Variants in PEF1 observed in about 807,000 individuals in gnomAD.
The protein encoded by PEF1 is peflin.
Under a neutral mutation model 32.0 loss-of-function variants are expected in PEF1, and 17 were observed. That is an observed-to-expected ratio of 0.53 (90% CI 0.36 to 0.80). The LOEUF is 0.80. PEF1 is among the 30% of genes least tolerant of loss of function. The pLI is 0.00. For missense variants in PEF1, 362 were observed against 369.1 expected, an observed-to-expected ratio of 0.98 and a Z score of 0.16; for synonymous variants, 130 against 139.8, an observed-to-expected ratio of 0.93 and a Z score of 0.50.
intron 1 of PEF1, among the ~76,000 whole-genome samples, chr1:31,637,411 G>A (rs985397896): frequency 2.0e-5 from 3 of 152,078 alleles, no homozygotes; most frequent in Non-Finnish European, 4.4e-5. Flanking sequence ...GCAAAATTCT[G>A]TCAGTTTAAT....
At chr1:31,644,699 C>A in intron 1 of PEF1, 142 bp downstream of exon 1, 2 of 1,517,168 alleles carry the variant, frequency 1.3e-6, no homozygotes, top group East Asian at 4.8e-5. Flanking sequence ...GGTCCCTTTT[C>A]GGTTCTCTAC....
intron 1 of PEF1, among the ~76,000 whole-genome samples, chr1:31,640,566 C>T (rs1000683782): frequency 6.6e-6 from 1 of 152,158 alleles, no homozygotes; most frequent in Non-Finnish European, 1.5e-5. Flanking sequence ...TTAGAAAAAT[C>T]TCATTCTTTT....
chr1:31,641,036 C>T (rs1337579212), intron 1 of PEF1, among the ~76,000 whole-genome samples: 1 of 152,128 alleles, frequency 6.6e-6, no homozygotes, highest in Non-Finnish European at 1.5e-5. Context: ...AAGCACGCAA[C>T]CAATAAACAA....
chr1:31,643,120 ATGT>A (rs770259076), intron 1 of PEF1, among the ~76,000 whole-genome samples: 21 of 152,248 alleles, frequency 1.4e-4, no homozygotes, highest in Non-Finnish European at 2.8e-4. Context: ...GGCGCTATGA[ATGT>A]TTTTTCAGCC....
chr1:31,643,541 CACTT>C (rs957275583), intron 1 of PEF1, among the ~76,000 whole-genome samples: 9 of 152,338 alleles, frequency 5.9e-5, no homozygotes, highest in African/African-American at 2.2e-4. Flanking sequence ...GCCTCACCCT[CACTT>C]ACTACGTGTG....
intron 2 of PEF1, 63 bp from the exon 3 acceptor site, chr1:31,633,377 C>A: frequency 6.6e-7 from 1 of 1,508,594 alleles, no homozygotes; most frequent in Non-Finnish European, 8.9e-7. Flanking sequence ...TCAGTAACTT[C>A]CTGGCTACAG....
intron 3 of PEF1, among the ~76,000 whole-genome samples, chr1:31,632,898 T>C (rs1640152051): frequency 1.3e-5 from 2 of 152,190 alleles, no homozygotes; most frequent in Non-Finnish European, 2.9e-5. Context: ...TCCCTGCTGT[T>C]TCCTACAGGG....
At chr1:31,632,711 T>C in intron 3 of PEF1, 73 bp from the exon 4 acceptor site, 1 of 1,525,642 alleles carries the variant, frequency 6.6e-7, no homozygotes, top group Non-Finnish European at 8.9e-7. Context: ...CAGGACCCAT[T>C]GAGGCAGCCC....
chr1:31,633,096 C>T, intron 3 of PEF1, 63 bp downstream of exon 3: 5 of 1,544,140 alleles, frequency 3.2e-6, no homozygotes, highest in Non-Finnish European at 4.4e-6. Flanking sequence ...CACCTACCCA[C>T]CTACTGTCCA....
At chr1:31,635,606 C>T (rs892687677) in intron 1 of PEF1, 84 bp from the exon 2 acceptor site, 1 of 1,288,366 alleles carries the variant, frequency 7.8e-7, no homozygotes, top group African/African-American at 1.5e-5. Context: ...AAAGCACTTC[C>T]ACCACCATCC....
Position 31,630,667 on chromosome 1 carries a change from G to A in PEF1, c.801C>T (p.Asn267=). The stretch of plus-strand genomic sequence containing the variant: ...CGAAGTCCTCGAAGCTGAGCCGAAT[G>A]TTGCCTTGTACAGCTGTGTCCTTCT... The part of the protein sequence containing the change: ...FREKDTAVQG[N]IRLSFEDFVT... The change falls in exon 5 of 5, where the codon AAC becomes AAT. Residue 267 remains asparagine (N), a synonymous_variant. Transcript: ENST00000373703. 2 of 1,613,580 alleles carry A rather than the reference G, an allele frequency of 1.2e-6. No homozygotes were observed. Among genetic ancestry groups the A allele is most frequent in the South Asian group, 2.2e-5 (2 of 91,066 alleles).
At chr1:31,632,420 C>A (rs1319047519) in intron 4 of PEF1, 75 bp downstream of exon 4, 20 of 1,606,778 alleles carry the variant, frequency 1.2e-5, no homozygotes, top group African/African-American at 2.7e-5. Context: ...GAGGAAACCC[C>A]TTTGTTGTAT....
chr1:31,632,790 C>T, intron 3 of PEF1, 152 bp from the exon 4 acceptor site: 1 of 912,272 alleles, frequency 1.1e-6, no homozygotes, highest in Non-Finnish European at 1.6e-6. Context: ...GCACCTGAGA[C>T]ACCCACATCA....
In PEF1 at chr1:31,630,705, C is replaced by T; in HGVS notation, c.763G>A (p.Glu255Lys). The T allele has an allele frequency of 6.2e-7, 1 of 1,614,172 alleles. No individual in the cohort carries two copies. The highest frequency in any genetic ancestry group is 8.5e-7 in the Non-Finnish European group (1 of 1,180,044). Residue 255 changes from glutamate (E) to lysine (K), a missense_variant, in exon 5 of 5, where the codon GAG becomes AAG. Transcript: ENST00000373703. The stretch of plus-strand genomic sequence containing the variant: ...GCTGTGTCCTTCTCCCGGAAGGCCT[C>T]TGTCAGCACCTGCAGCTGGGTGCAC... ...QVCTQLQVLT[E>K]AFREKDTAVQ... is the part of the protein sequence containing the mutation.
At chr1:31,632,351 G>C (rs758303792) in intron 4 of PEF1, 144 bp downstream of exon 4, 1 of 1,390,468 alleles carries the variant, frequency 7.2e-7, no homozygotes. Flanking sequence ...GAAGGGGTGA[G>C]GGATGCAGGC....
chr1:31,635,198 C>T (rs1454914865), intron 2 of PEF1, 24 bp downstream of exon 2: 2 of 1,610,764 alleles, frequency 1.2e-6, no homozygotes, highest in Non-Finnish European at 1.7e-6. Context: ...TCAGAGGTAC[C>T]CGGAGTCCAA....
chr1:31,641,193 C>G, intron 1 of PEF1, among the ~76,000 whole-genome samples: 1 of 152,216 alleles, frequency 6.6e-6, no homozygotes, highest in Non-Finnish European at 1.5e-5. Context: ...GTGTTCTCAT[C>G]TCAGTGAATG....
At chr1:31,633,089 C>G in intron 3 of PEF1, 70 bp downstream of exon 3, 1 of 1,514,544 alleles carries the variant, frequency 6.6e-7, no homozygotes, top group Non-Finnish European at 8.9e-7. Flanking sequence ...ACCCACCCAC[C>G]TACCCACCTA....
chr1:31,639,595 G>A (rs550388225), intron 1 of PEF1, among the ~76,000 whole-genome samples: 66 of 152,350 alleles, frequency 4.3e-4, no homozygotes, highest in Non-Finnish European at 5.7e-4. Context: ...AACCAGCGGC[G>A]GTGTGGAGGA....
Sources: allele counts gnomAD v4.1 joint callset (sites outside exome capture counted in the v4.1 genomes callset), GRCh38; gene constraint gnomAD v4.1.1; transcripts MANE v1.5; gene names NCBI Gene and HGNC (gene_info 2026-07-23, HGNC 2026-07-21).